The following FAM227B variants were observed in gnomAD, a reference collection of about 807,000 sequenced individuals.
The protein encoded by FAM227B is protein FAM227B.
In FAM227B, 88 loss-of-function variants were observed where a neutral mutation model predicts 73.8. The observed-to-expected ratio is 1.19, with a 90% CI of 1.00 to 1.42. FAM227B has a LOEUF of 1.42. Ranked by LOEUF, FAM227B falls within the 40% of genes most tolerant of loss-of-function variation. The pLI, the probability that FAM227B is intolerant of heterozygous loss-of-function variation, is 0.00. For synonymous variants in FAM227B, 210 were observed against 190.5 expected, an observed-to-expected ratio of 1.10 and a Z score of -0.84; for missense variants, 632 against 590.9, an observed-to-expected ratio of 1.07 and a Z score of -0.72.
intron 10 of FAM227B, among the ~76,000 whole-genome samples, chr15:49,539,745 A>G (rs1016613596): frequency 7.2e-5 from 11 of 152,186 alleles, no homozygotes; most frequent in Non-Finnish European, 1.2e-4. Context: ...AGAGTCCACA[A>G]TGCAGATGCA....
chr15:49,497,273 A>C (rs1327026676), intron 11 of FAM227B, among the ~76,000 whole-genome samples: 1 of 152,232 alleles, frequency 6.6e-6, no homozygotes, highest in Non-Finnish European at 1.5e-5. Context: ...AAACAAAAGC[A>C]TACTTATGGC....
rs547171439 is a variant in FAM227B at position 49,495,397 on chromosome 15, C to G, written c.1012+12814G>C. Reference sequence around the variant, plus strand: ...ACCAAATTTCCGGTTCTTTGGGCTACTCTGTGCCTTATGTTATTCACTCTG... The same window carrying G: ...ACCAAATTTCCGGTTCTTTGGGCTAGTCTGTGCCTTATGTTATTCACTCTG... On this transcript the variant is annotated intron_variant, in intron 11 of 15. Coordinates refer to ENST00000299338, the MANE Select transcript of FAM227B (RefSeq NM_152647.3). Among the ~76,000 whole-genome samples, 4 of 152,278 alleles carry G rather than the reference C, an allele frequency of 2.6e-5. No individual in the cohort carries two copies. In the East Asian group the frequency reaches 7.7e-4, roughly 29 times the overall value.
chr15:49,516,305 T>C (rs926643919), intron 10 of FAM227B, among the ~76,000 whole-genome samples: 2 of 152,112 alleles, frequency 1.3e-5, no homozygotes, highest in African/African-American at 2.4e-5. Context: ...TTCTCTTTTA[T>C]CCGCACACTA....
intron 12 of FAM227B, among the ~76,000 whole-genome samples, chr15:49,369,422 G>T (rs1369870805): frequency 6.6e-6 from 1 of 152,024 alleles, no homozygotes; most frequent in Non-Finnish European, 1.5e-5. Flanking sequence ...CATGAAACAA[G>T]ACTTTTATTG....
intron 11 of FAM227B, among the ~76,000 whole-genome samples, chr15:49,409,269 G>C (rs993318092): frequency 6.6e-6 from 1 of 152,022 alleles, no homozygotes; most frequent in Admixed American, 6.6e-5. Flanking sequence ...AAAAAGTGAA[G>C]CATGCTAGGG....
chr15:49,484,721 A>T (rs2056262361), intron 11 of FAM227B: 1 of 375,386 alleles, frequency 2.7e-6, no homozygotes, highest in Non-Finnish European at 4.7e-6. Context: ...AATCAGATTT[A>T]GTAACTAAAG....
rs970073532 is a variant in FAM227B, at chr15:49,549,905, C to T, written c.748-8099G>A. On this transcript the variant is annotated intron_variant, in intron 9 of 15. Transcript: ENST00000299338. ...TTCCCAGACGGGGTGGTTGGCCGGG[C>T]GGGGGGCTGACCCCCCCCACCTCCC... 2.8e-4 allele frequency among the ~76,000 whole-genome samples: 31 copies of T among 110,660 alleles called. 1 individual carries two copies. The South Asian group carries it at 4.8e-3, about 17-fold the overall frequency. 72.6% of individuals were successfully genotyped at this position (110,660 alleles called of 152,430 possible).
chr15:49,531,432 C>A (rs1314462543), intron 10 of FAM227B, among the ~76,000 whole-genome samples: 1 of 151,006 alleles, frequency 6.6e-6, no homozygotes, highest in Non-Finnish European at 1.5e-5. Flanking sequence ...AATAAGATAT[C>A]TCTATCAGAA....
At position 49,589,774 on chromosome 15, in the gene FAM227B, A is replaced by T. The variant is rs1232261343; in HGVS notation, c.337+2T>A. 3 of 1,527,228 alleles carry T rather than the reference A, an allele frequency of 2.0e-6. No individual in the cohort carries two copies. In the African/African-American group the frequency reaches 4.1e-5, roughly 21 times the overall value. 94.6% of individuals were successfully genotyped at this position (1,527,228 alleles called of 1,614,324 possible). A position where few individuals can be genotyped will look rare whatever the true frequency, so the allele number is the denominator to read the frequency against. On this transcript the variant is annotated splice_donor_variant, in intron 4 of 15. Transcript: ENST00000299338. LOFTEE classifies it high-confidence loss of function. The stretch of plus-strand genomic sequence containing the variant: ...TAAAAGATAAAAATAAATAAGGCTC[A>T]CTTGTCTCAGAAATCATGCTTTTCC...
intron 11 of FAM227B, among the ~76,000 whole-genome samples, chr15:49,454,758 T>C (rs909040120): frequency 6.6e-6 from 1 of 152,068 alleles, no homozygotes; most frequent in African/African-American, 2.4e-5. Flanking sequence ...TATAGGCGCG[T>C]GCCACCATGC....
At chr15:49,526,633 G>C (rs1421233189) in intron 10 of FAM227B, among the ~76,000 whole-genome samples, 1 of 151,956 alleles carries the variant, frequency 6.6e-6, no homozygotes, top group Non-Finnish European at 1.5e-5. Flanking sequence ...GGAGAAACAA[G>C]ATTGATAGAC....
Position 49,589,862 on chromosome 15 carries a change from A to G in FAM227B, c.251T>C (p.Met84Thr), listed in dbSNP as rs780019488. 8.8e-5 allele frequency: 142 copies of G among 1,607,170 alleles called. No individual in the cohort carries two copies. Among genetic ancestry groups the G allele is most frequent in the Non-Finnish European group, 1.2e-4 (136 of 1,173,900 alleles). ...TGAATATTCCTTTAATTTTGATTCC[A>G]TGATCAAAAGTGCTTCAAATATTCG... Reference protein sequence around the residue: ...VPRIFEALLIMESKLKEYSLI... With the variant: ...VPRIFEALLITESKLKEYSLI... Residue 84 changes from methionine (M) to threonine (T), a missense_variant, in exon 4 of 16, where the codon ATG (methionine) becomes ACG (threonine). Coordinates refer to ENST00000299338, the MANE Select transcript of FAM227B (RefSeq NM_152647.3).
chr15:49,391,949 G>A (rs1292305219), intron 11 of FAM227B, among the ~76,000 whole-genome samples: 1 of 152,050 alleles, frequency 6.6e-6, no homozygotes, highest in African/African-American at 2.4e-5. Flanking sequence ...TACTGCAAAC[G>A]TTGGTGTGGG....
chr15:49,443,568 T>C lies in FAM227B; in HGVS notation c.1012+64643A>G, dbSNP rs190968071. 2.1e-3 allele frequency among the ~76,000 whole-genome samples: 319 copies of C among 151,828 alleles called. 3 individuals carry two copies. Among genetic ancestry groups the C allele is most frequent in the Middle Eastern group, 0.017 (5 of 294 alleles). ...GTGTCTATAACTGTTTCATTGTGAA[T>C]AGAACAAAAATGAGAAAATAGTTTT... On this transcript the variant is annotated intron_variant, in intron 11 of 15. Transcript: ENST00000299338.
At chr15:49,520,772 G>A (rs1262492789) in intron 10 of FAM227B, among the ~76,000 whole-genome samples, 1 of 152,078 alleles carries the variant, frequency 6.6e-6, no homozygotes, top group Non-Finnish European at 1.5e-5. Flanking sequence ...CATGACACAT[G>A]GAAGCTACAG....
Position 49,368,959 on chromosome 15 carries a change from TTTTG to T in FAM227B, c.1111-1355_1111-1352del, listed in dbSNP as rs540708622. ...TCCCGTGGTGTTGTTTTTGTTTTGTTTTTGTTTGTTTGTTTGTTTTTATTTTTTT... is the reference window on the plus strand; with the variant it reads ...TCCCGTGGTGTTGTTTTTGTTTTGTTTTTGTTTGTTTGTTTTTATTTTTTT... On this transcript the variant is annotated intron_variant, in intron 12 of 15. Coordinates refer to ENST00000299338, the MANE Select transcript of FAM227B (RefSeq NM_152647.3). Among the ~76,000 whole-genome samples the T allele has an allele frequency of 1.5e-3, 227 of 152,110 alleles. 1 individual carries two copies. Among genetic ancestry groups the T allele is most frequent in the African/African-American group, 1.9e-3 (80 of 41,472 alleles).
chr15:49,513,240 A>G (rs1026240981), intron 10 of FAM227B, among the ~76,000 whole-genome samples: 2 of 152,076 alleles, frequency 1.3e-5, no homozygotes, highest in African/African-American at 4.8e-5. Context: ...AAGTGTTCCT[A>G]TTTCTCCACA....
chr15:49,545,507 T>C (rs2152285150), intron 9 of FAM227B, among the ~76,000 whole-genome samples: 1 of 152,330 alleles, frequency 6.6e-6, no homozygotes, highest in East Asian at 1.9e-4. Flanking sequence ...TGCTCTGATC[T>C]TTGTTGTTGA....
chr15:49,329,841 T>C, intron 15 of FAM227B: 4 of 809,282 alleles, frequency 4.9e-6, no homozygotes, highest in Non-Finnish European at 6.0e-6. Flanking sequence ...GTCATTGTTT[T>C]GCTGTTCCAT....
Sources: gnomAD v4.1 joint callset for allele counts (sites outside exome capture counted in the v4.1 genomes callset) on GRCh38, gnomAD v4.1.1 for gene constraint, MANE v1.5 for transcripts, NCBI Gene and HGNC (gene_info 2026-07-23, HGNC 2026-07-21) for gene names.